Variants in EFCAB9 observed in about 807,000 individuals in gnomAD.
The protein encoded by EFCAB9 is EF-hand calcium binding domain 9.
In EFCAB9, 16 loss-of-function variants were observed where a neutral mutation model predicts 15.6. The observed-to-expected ratio is 1.03, with a 90% CI of 0.69 to 1.56. EFCAB9 has a LOEUF of 1.56. Ranked by LOEUF, EFCAB9 falls within the 40% of genes most tolerant of loss-of-function variation. EFCAB9 has a pLI of 0.00. For synonymous variants in EFCAB9, 76 were observed against 85.4 expected (o/e 0.89, Z 0.61); for missense variants, 208 against 235.4 (o/e 0.88, Z 0.76).
rs1561843029 is a variant in EFCAB9, at chr5:172,199,523, GC to G, written c.280del (p.His94ThrfsTer23). The G allele has an allele frequency of 6.5e-7, 1 of 1,537,156 alleles. No homozygotes were observed. The highest frequency in any genetic ancestry group is 8.7e-7 in the Non-Finnish European group (1 of 1,146,856). ...CTACATGCTGGTGTGCATGCTGCTG[GC>G]CCACCAGGCAAGTAGCCGCGCGGCT... ...KFYMLVCMLL[A>X]HQNHLEGQFM... On this transcript the variant is annotated frameshift_variant, in exon 2 of 4. Transcript: ENST00000398186. LOFTEE classifies it high-confidence loss of function.
In EFCAB9 at chr5:172,202,353, A is replaced by AAAAG. The variant is rs1386987150; in HGVS notation, c.463-856_463-853dup. Among the ~76,000 whole-genome samples the AAAAG allele has an allele frequency of 8.5e-4, 127 of 149,424 alleles. 1 individual carries two copies. The highest frequency in any genetic ancestry group is 3.4e-3 in the Middle Eastern group (1 of 292). On this transcript the variant is annotated intron_variant, in intron 3 of 3. Transcript: ENST00000398186. ...ATCTCAAAAAAAAAAAAAAAAAAAA[A>AAAAG]AAAGAAAGTAATGGCAAAAGCCGCA...
Position 172,203,291 on chromosome 5 carries a change from GA to G in EFCAB9, c.543del (p.Glu182LysfsTer37), listed in dbSNP as rs1771289699. On this transcript the variant is annotated frameshift_variant, in exon 4 of 4. Coordinates refer to ENST00000398186, the MANE Select transcript of EFCAB9 (RefSeq NM_001171183.2). LOFTEE classifies it low-confidence loss of function (END_TRUNC). ...TACAGAAGAGGCAGAAAACAGAGGA[GA>G]AAGAAAAAGGAGAGAGAAAGAGAAG... The part of the protein sequence containing the change: ...KLQKRQKTEE[K>X]EKGERKRSLY... 53 of 1,536,072 alleles carry G rather than the reference GA, an allele frequency of 3.5e-5. No individual in the cohort carries two copies. Among genetic ancestry groups the G allele is most frequent in the Non-Finnish European group, 4.2e-5 (48 of 1,146,544 alleles).
In EFCAB9 at chr5:172,199,480, G is replaced by C; in HGVS notation, c.234G>C (p.Glu78Asp). 2 of 1,537,346 alleles carry C rather than the reference G, an allele frequency of 1.3e-6. No individual in the cohort carries two copies. Among genetic ancestry groups the C allele is most frequent in the Non-Finnish European group, 8.7e-7 (1 of 1,146,936 alleles). Residue 78 changes from glutamate to aspartate, a missense_variant, in exon 2 of 4, where the codon GAG (glutamate) becomes GAC (aspartate). Coordinates refer to ENST00000398186, the MANE Select transcript of EFCAB9 (RefSeq NM_001171183.2). The stretch of plus-strand genomic sequence containing the variant: ...TGCTGGACTGGAACGCTGTGGGCGA[G>C]ATCGACTTTGAGAAGTTCTACATGC... ...FDMLDWNAVG[E>D]IDFEKFYMLV... is the part of the protein sequence containing the mutation.
intron 2 of EFCAB9, 95 bp from the exon 3 acceptor site, chr5:172,200,471 G>A: frequency 7.8e-7 from 1 of 1,287,606 alleles, no homozygotes; most frequent in Non-Finnish European, 1.0e-6. Context: ...TAGCTCTCTA[G>A]GGAAGGGGCT....
intron 2 of EFCAB9, among the ~76,000 whole-genome samples, 197 bp from the exon 3 acceptor site, chr5:172,200,369 G>C (rs1771236663): frequency 6.6e-6 from 1 of 152,194 alleles, no homozygotes; most frequent in African/African-American, 2.4e-5. Context: ...CAGAATTCAA[G>C]TTCCTTTTGA....
rs1424512970 is a variant in EFCAB9 at position 172,199,370 on chromosome 5, C to G, written c.137-13C>G. On this transcript the variant is annotated splice_polypyrimidine_tract_variant and intron_variant, in intron 1 of 3. Coordinates refer to ENST00000398186, the MANE Select transcript of EFCAB9 (RefSeq NM_001171183.2). ...TCCAAATAACACATCTCCTCACCTG[C>G]CCACCTTAACAGATGTGCTGTTCTA... The G allele has an allele frequency of 6.5e-7, 1 of 1,536,916 alleles. No individual in the cohort carries two copies. Among genetic ancestry groups the G allele is most frequent in the Admixed American group, 2.0e-5 (1 of 50,960 alleles).
At chr5:172,201,426 A>G (rs1296703895) in intron 3 of EFCAB9, among the ~76,000 whole-genome samples, 4 of 152,112 alleles carry the variant, frequency 2.6e-5, no homozygotes, top group Non-Finnish European at 5.9e-5. Flanking sequence ...AGGTGCCTGT[A>G]ATCCCAGCTA....
At chr5:172,198,306 C>T (rs1430195935) in intron 1 of EFCAB9, among the ~76,000 whole-genome samples, 5 of 151,982 alleles carry the variant, frequency 3.3e-5, no homozygotes, top group African/African-American at 4.8e-5. Flanking sequence ...CCCAGGAGTT[C>T]GAGACGAGTC....
chr5:172,199,520 C>G lies in EFCAB9; in HGVS notation c.274C>G (p.Leu92Val), dbSNP rs1325136650. The G allele has an allele frequency of 6.5e-7, 1 of 1,537,090 alleles. No individual in the cohort carries two copies. Among genetic ancestry groups the G allele is most frequent in the African/African-American group, 1.4e-5 (1 of 73,044 alleles). Residue 92 changes from leucine (L) to valine (V), a missense_variant, in exon 2 of 4, where the codon CTG (leucine) becomes GTG (valine). By Grantham distance (32) the Leu-to-Val change is conservative. Coordinates refer to ENST00000398186, the MANE Select transcript of EFCAB9 (RefSeq NM_001171183.2). ...GTTCTACATGCTGGTGTGCATGCTG[C>G]TGGCCCACCAGGCAAGTAGCCGCGC... is the stretch of plus-strand genomic sequence containing the variant. Reference protein sequence around the residue: ...EKFYMLVCMLLAHQNHLEGQF... With the variant: ...EKFYMLVCMLVAHQNHLEGQF...
chr5:172,199,919 C>G (rs1187854765), intron 2 of EFCAB9, among the ~76,000 whole-genome samples: 2 of 145,574 alleles, frequency 1.4e-5, no homozygotes, highest in Non-Finnish European at 3.0e-5. Context: ...CCAGTATGTA[C>G]TTACCCAGTT....
chr5:172,203,176 C>T, intron 3 of EFCAB9, 38 bp from the exon 4 acceptor site: 2 of 1,450,768 alleles, frequency 1.4e-6, no homozygotes, highest in Non-Finnish European at 1.8e-6. Flanking sequence ...GAAGTTTTTC[C>T]TGAAATAATT....
chr5:172,197,703 G>T (rs1444971285), intron 1 of EFCAB9, among the ~76,000 whole-genome samples: 1 of 152,158 alleles, frequency 6.6e-6, no homozygotes, highest in Non-Finnish European at 1.5e-5. Context: ...CGCGGTGAGT[G>T]TTACAGCTCT....
chr5:172,200,941 G>A (rs973385775), intron 3 of EFCAB9, among the ~76,000 whole-genome samples, 199 bp downstream of exon 3: 1 of 152,166 alleles, frequency 6.6e-6, no homozygotes, highest in African/African-American at 2.4e-5. Flanking sequence ...TGGACTAACT[G>A]CTGTATCATG....
chr5:172,203,355 G>A lies in EFCAB9; in HGVS notation c.*10G>A. ...ATGTCACATCAAGTAGATACAAGCT[G>A]AAAGAGTCTTGGAAAAAAATGGGAT... On this transcript the variant is annotated 3_prime_UTR_variant, in exon 4 of 4. Coordinates refer to ENST00000398186, the MANE Select transcript of EFCAB9 (RefSeq NM_001171183.2). 6.6e-7 allele frequency: 1 copy of A among 1,524,110 alleles called. No individual in the cohort carries two copies. The highest frequency in any genetic ancestry group is 8.7e-7 in the Non-Finnish European group (1 of 1,143,528). 94.4% of individuals were successfully genotyped at this position (1,524,110 alleles called of 1,614,324 possible).
rs1475200613 is a variant in EFCAB9 at position 172,203,279 on chromosome 5, GA to G, written c.532del (p.Thr178GlnfsTer41). Reference protein sequence around the residue: ...IYTDKLQKRQKTEEKEKGERK... With the variant: ...IYTDKLQKRQXTEEKEKGERK... ...ACACTGACAAATTACAGAAGAGGCA[GA>G]AAACAGAGGAGAAAGAAAAAGGAGA... is the stretch of plus-strand genomic sequence containing the variant. On this transcript the variant is annotated frameshift_variant, in exon 4 of 4. Coordinates refer to ENST00000398186, the MANE Select transcript of EFCAB9 (RefSeq NM_001171183.2). LOFTEE classifies it low-confidence loss of function (END_TRUNC). 1.3e-6 allele frequency: 2 copies of G among 1,536,634 alleles called. No homozygotes were observed. Among genetic ancestry groups the G allele is most frequent in the Non-Finnish European group, 1.7e-6 (2 of 1,146,698 alleles).
In EFCAB9 at chr5:172,197,554, G is replaced by C. The variant is rs568954251; in HGVS notation, c.137-1829G>C. On this transcript the variant is annotated intron_variant, in intron 1 of 3. Coordinates refer to ENST00000398186, the MANE Select transcript of EFCAB9 (RefSeq NM_001171183.2). ...TTTTATAATATCCCTCAAGTGACTG[G>C]TATCCCCATTACAGTTTGAGAAATG... 3.3e-5 allele frequency among the ~76,000 whole-genome samples: 5 copies of C among 152,248 alleles called. No homozygotes were observed. In the East Asian group the frequency reaches 7.7e-4, roughly 24 times the overall value.
At chr5:172,201,210 T>TA (rs1771251678) in intron 3 of EFCAB9, among the ~76,000 whole-genome samples, 1 of 151,626 alleles carries the variant, frequency 6.6e-6, no homozygotes, top group Non-Finnish European at 1.5e-5. Flanking sequence ...ACCCTGTCCC[T>TA]ACTAAAAATA....
Position 172,194,193 on chromosome 5 carries a change from G to A in EFCAB9, c.21G>A (p.Ser7=), listed in dbSNP as rs941493074. MRLKQG[S]FLWYLYLDKI... ...CTAAGATGAGACTGAAGCAAGGATC[G>A]TTTCTGTGGTACCTCTATCTGGACA... is the stretch of plus-strand genomic sequence containing the variant. Residue 7 remains serine (S), a synonymous_variant, in exon 1 of 4, where the codon TCG becomes TCA. Coordinates refer to ENST00000398186, the MANE Select transcript of EFCAB9 (RefSeq NM_001171183.2). 8.5e-6 allele frequency: 13 copies of A among 1,537,284 alleles called. No homozygotes were observed. The Admixed American group carries it at 9.8e-5, about 12-fold the overall frequency.
At chr5:172,203,106 T>G in intron 3 of EFCAB9, 108 bp from the exon 4 acceptor site, 1 of 1,145,056 alleles carries the variant, frequency 8.7e-7, no homozygotes, top group South Asian at 1.7e-5. Flanking sequence ...CTGAGTGTCT[T>G]TAATTTTCCA....
Sources: allele counts gnomAD v4.1 joint callset (sites outside exome capture counted in the v4.1 genomes callset), GRCh38; gene constraint gnomAD v4.1.1; transcripts MANE v1.5; gene names NCBI Gene and HGNC (gene_info 2026-07-23, HGNC 2026-07-21).